OTUD7A: variants seen among roughly 807,000 people sequenced by gnomAD.
OTUD7A encodes OTU deubiquitinase 7A.
In OTUD7A, 12 loss-of-function variants were observed where a neutral mutation model predicts 65.7. That is an observed-to-expected ratio of 0.18 (90% CI 0.12 to 0.30). OTUD7A has a LOEUF of 0.30. Among genes scored for constraint, OTUD7A ranks in the 10% least tolerant of loss-of-function variants. OTUD7A has a pLI of 1.00. For missense variants in OTUD7A, 1,148 were observed against 1,304.8 expected, an observed-to-expected ratio of 0.88 and a Z score of 1.85; for synonymous variants, 641 against 586.3, an observed-to-expected ratio of 1.09 and a Z score of -1.35.
At chr15:31,533,134 C>G (rs1887686999) in intron 5 of OTUD7A, among the ~76,000 whole-genome samples, 1 of 151,952 alleles carries the variant, frequency 6.6e-6, no homozygotes, top group Non-Finnish European at 1.5e-5. Flanking sequence ...ACCTTAAAAG[C>G]TGCCAAGGAG....
intron 1 of OTUD7A, among the ~76,000 whole-genome samples, chr15:31,789,820 T>A (rs1895768085): frequency 1.3e-5 from 2 of 151,648 alleles, no homozygotes; most frequent in South Asian, 4.2e-4. Flanking sequence ...ATTCTCCTGC[T>A]GAGGTTGGGA....
Position 31,475,498 on chromosome 15 carries a change from CTT to C in OTUD7A, c.*7794_*7795del, listed in dbSNP as rs1566871946. ...CACACAGATTACAGAGCTATTTTTA[CTT>C]GAAATAATCTTTCATAAAAGAAAGA... On this transcript the variant is annotated 3_prime_UTR_variant, in exon 13 of 13. Transcript: ENST00000307050. 1 of 152,184 alleles carries C rather than the reference CTT, an allele frequency of 6.6e-6. No homozygotes were observed. The highest frequency in any genetic ancestry group is 1.5e-5 in the Non-Finnish European group (1 of 68,032). The allele number at this position is 152,184 out of a possible 1,614,324, so 9.4% of individuals were successfully genotyped here. A position where few individuals can be genotyped will look rare whatever the true frequency, so the allele number is the denominator to read the frequency against.
intron 3 of OTUD7A, among the ~76,000 whole-genome samples, chr15:31,574,843 C>T (rs1889156912): frequency 6.6e-6 from 1 of 152,136 alleles, no homozygotes; most frequent in African/African-American, 2.4e-5. Context: ...GCCTTTCCTA[C>T]ACTGCAGGCC....
rs2041186293 is a variant in OTUD7A, at chr15:31,484,005, C to T, written c.2091G>A (p.Thr697=). The change falls in exon 13 of 13, where the codon ACG becomes ACA. Residue 697 remains threonine (T), a synonymous_variant. Coordinates refer to ENST00000307050, the MANE Select transcript of OTUD7A (RefSeq NM_001382637.1). The surrounding 1 kb of genome is among the most constrained non-coding windows in gnomAD (Gnocchi z 4.5). ...CCGGTCTGCGCGGCGGCCGCTTGGC[C>T]GTGGCGGCGGCGGCGGCGGCGGCAG... The part of the protein sequence containing the change: ...AAAAAAAAAA[T]AKRPPRRPET... 4 of 1,073,604 alleles carry T rather than the reference C, an allele frequency of 3.7e-6. No individual in the cohort carries two copies. The highest frequency in any genetic ancestry group is 4.8e-5 in the East Asian group (1 of 21,052). The allele number at this position is 1,073,604 out of a possible 1,614,324, so 66.5% of individuals were successfully genotyped here.
At position 31,513,667 on chromosome 15, in the gene OTUD7A, A is replaced by G. The variant is rs565334260; in HGVS notation, c.894-9849T>C. On this transcript the variant is annotated intron_variant, in intron 8 of 12. Coordinates refer to ENST00000307050, the MANE Select transcript of OTUD7A (RefSeq NM_001382637.1). ...GGTCAAGCTGAGTCCTTCTTGTGAC[A>G]TCTTATCAGGTTGTGTGAACTGCAG... 1.3e-3 allele frequency among the ~76,000 whole-genome samples: 202 copies of G among 152,318 alleles called. 1 individual carries two copies. Among genetic ancestry groups the G allele is most frequent in the African/African-American group, 4.6e-3 (190 of 41,568 alleles).
chr15:31,821,182 C>G (rs1261071556), intron 1 of OTUD7A, among the ~76,000 whole-genome samples: 1 of 132,958 alleles, frequency 7.5e-6, no homozygotes, highest in Non-Finnish European at 1.5e-5. Flanking sequence ...TGTCACCAGG[C>G]TGGAGTGCAG....
chr15:31,569,930 C>T, intron 4 of OTUD7A, 88 bp downstream of exon 4: 1 of 1,446,954 alleles, frequency 6.9e-7, no homozygotes, highest in East Asian at 2.3e-5. Context: ...GGTGATGACC[C>T]CACCATTCTT....
intron 1 of OTUD7A, among the ~76,000 whole-genome samples, chr15:31,781,545 C>T (rs1895539961): frequency 6.6e-6 from 1 of 152,338 alleles, no homozygotes; most frequent in East Asian, 1.9e-4. Flanking sequence ...AACCTGACTG[C>T]ACCAATGTAT....
At chr15:31,771,231 T>C (rs778158410) in intron 1 of OTUD7A, among the ~76,000 whole-genome samples, 1 of 152,218 alleles carries the variant, frequency 6.6e-6, no homozygotes, top group African/African-American at 2.4e-5. Flanking sequence ...GGAAGAAGAA[T>C]GTTTCTGTTC....
At chr15:31,669,644 T>TC in intron 1 of OTUD7A, among the ~76,000 whole-genome samples, 1 of 152,158 alleles carries the variant, frequency 6.6e-6, no homozygotes. Flanking sequence ...ATTCGCACCC[T>TC]CCCCTGAGTT....
At chr15:31,562,433 T>C (rs1888721399) in intron 4 of OTUD7A, among the ~76,000 whole-genome samples, 1 of 152,150 alleles carries the variant, frequency 6.6e-6, no homozygotes, top group African/African-American at 2.4e-5. Context: ...TTATGCACAC[T>C]AGCTGGGGTA....
intron 5 of OTUD7A, among the ~76,000 whole-genome samples, chr15:31,538,510 A>T (rs1334044248): frequency 6.6e-6 from 1 of 152,160 alleles, no homozygotes; most frequent in Non-Finnish European, 1.5e-5. Flanking sequence ...CACAGGGAGT[A>T]AGTAAACTTG....
intron 5 of OTUD7A, among the ~76,000 whole-genome samples, chr15:31,551,097 A>C (rs1888308446): frequency 6.6e-6 from 1 of 151,620 alleles, no homozygotes; most frequent in Non-Finnish European, 1.5e-5. Context: ...CAGCTTCTAG[A>C]AGTTAAGACT....
chr15:31,634,170 T>C (rs1215310974), intron 3 of OTUD7A, among the ~76,000 whole-genome samples: 1 of 152,110 alleles, frequency 6.6e-6, no homozygotes, highest in Non-Finnish European at 1.5e-5. Flanking sequence ...AAGTACCCCG[T>C]GAAGGCACAT....
chr15:31,538,224 T>C (rs1887869616), intron 5 of OTUD7A, among the ~76,000 whole-genome samples: 1 of 152,158 alleles, frequency 6.6e-6, no homozygotes. Flanking sequence ...ACAGCTACAC[T>C]GCATCCCCAG....
At chr15:31,563,899 T>A (rs2141164528) in intron 4 of OTUD7A, among the ~76,000 whole-genome samples, 1 of 143,718 alleles carries the variant, frequency 7.0e-6, no homozygotes, top group Non-Finnish European at 1.5e-5. Context: ...TGGAGGAGCA[T>A]CCACCAGAGC....
chr15:31,510,135 G>A (rs2041661910), intron 8 of OTUD7A, among the ~76,000 whole-genome samples: 1 of 151,140 alleles, frequency 6.6e-6, no homozygotes, highest in Non-Finnish European at 1.5e-5. Context: ...AGTTTTCTGG[G>A]CTGGGTGGGA....
chr15:31,777,875 A>G (rs2140922012), intron 1 of OTUD7A, among the ~76,000 whole-genome samples: 1 of 152,304 alleles, frequency 6.6e-6, no homozygotes, highest in East Asian at 1.9e-4. Context: ...AAAGAACACA[A>G]GCGGCTGCAT....
intron 3 of OTUD7A, among the ~76,000 whole-genome samples, chr15:31,627,468 A>G (rs1402367731): frequency 6.6e-6 from 1 of 151,780 alleles, no homozygotes; most frequent in Non-Finnish European, 1.5e-5. Flanking sequence ...TATGTACCAC[A>G]TTTTCTTAAT....
Sources: gnomAD v4.1 joint callset for allele counts (sites outside exome capture counted in the v4.1 genomes callset) on GRCh38, gnomAD v4.1.1 for gene constraint, Gnocchi (gnomAD v3.1) non-coding constraint, MANE v1.5 for transcripts, NCBI Gene and HGNC (gene_info 2026-07-23, HGNC 2026-07-21) for gene names.